DMD: variants seen among roughly 807,000 people sequenced by gnomAD.
The protein encoded by DMD is mutant dystrophin.
A neutral mutation model predicts 330.1 loss-of-function variants in DMD; 63 were observed. The ratio of observed to expected loss-of-function variants is 0.19; its 90% CI spans 0.16 to 0.24. DMD has a LOEUF of 0.24. Among genes scored for constraint, DMD ranks in the 10% least tolerant of loss-of-function variants. DMD has a pLI of 1.00. For synonymous variants in DMD, 1,223 were observed against 959.8 expected, an observed-to-expected ratio of 1.27 and a Z score of -5.07; for missense variants, 3,344 against 2,684.1, an observed-to-expected ratio of 1.25 and a Z score of -5.43.
chrX:31,485,051 A>G (rs764928193), intron 57 of DMD, among the ~76,000 whole-genome samples: 20 of 112,629 alleles, frequency 1.8e-4, no homozygotes, highest in Non-Finnish European at 3.2e-4. Flanking sequence ...GAGTGATAAC[A>G]AAACATAAAA....
chrX:33,223,179 C>A (rs2052218016), intron 1 of DMD, among the ~76,000 whole-genome samples: 1 of 111,348 alleles, frequency 9.0e-6, no homozygotes, highest in African/African-American at 3.3e-5. Context: ...GGAGTGGTGG[C>A]ACACGCCTGT....
chrX:32,177,612 TTCTCTCTCTCTCTCAA>T (rs968126516), intron 44 of DMD, among the ~76,000 whole-genome samples: 2 of 109,029 alleles, frequency 1.8e-5, no homozygotes, highest in South Asian at 3.9e-4. Context: ...TGGTTCCCCT[TTCTCTCTCTCTCTCAA>T]TCTCTCTCTC....
chrX:33,337,336 A>G (rs924080064), intron 1 of DMD, among the ~76,000 whole-genome samples: 2 of 111,467 alleles, frequency 1.8e-5, no homozygotes, highest in African/African-American at 6.5e-5. Flanking sequence ...AGAGGGCTGT[A>G]TTTTAAACAA....
At chrX:31,128,225 C>T (rs2033996038) in intron 77 of DMD, among the ~76,000 whole-genome samples, 1 of 111,847 alleles carries the variant, frequency 8.9e-6, no homozygotes, top group Non-Finnish European at 1.9e-5. Context: ...ATTCCCTTCC[C>T]CTGTAAGACT....
At chrX:32,643,118 C>G (rs1409091243) in intron 11 of DMD, among the ~76,000 whole-genome samples, 1 of 111,146 alleles carries the variant, frequency 9.0e-6, no homozygotes, top group Admixed American at 9.6e-5. Flanking sequence ...TGACAATCAT[C>G]ACCACGATCA....
In DMD at chrX:31,721,702, CTCTCTCTCTCTCTCTCTATATA is replaced by C. The variant is rs1477647711; in HGVS notation, c.7660+7907_7660+7928del. Among the ~76,000 whole-genome samples the C allele has an allele frequency of 2.8e-3, 161 of 57,768 alleles. 2 individuals carry two copies. Among genetic ancestry groups the C allele is most frequent in the Non-Finnish European group, 4.4e-3 (141 of 32,355 alleles). The allele number at this position is 57,768 out of a possible 115,157, so 50.2% of individuals were successfully genotyped here. A position where few individuals can be genotyped will look rare whatever the true frequency, so the allele number is the denominator to read the frequency against. On this transcript the variant is annotated intron_variant, in intron 52 of 78. Coordinates refer to ENST00000357033, the MANE Select transcript of DMD (RefSeq NM_004006.3). ...TCTCTCTCACTCTCTCTCTCTCTCT[CTCTCTCTCTCTCTCTCTATATA>C]TATATATATATATATATATATCTCC... is the stretch of plus-strand genomic sequence containing the variant.
intron 13 of DMD, among the ~76,000 whole-genome samples, chrX:32,579,747 CTT>C (rs923292566): frequency 1.3e-4 from 15 of 112,963 alleles, no homozygotes; most frequent in African/African-American, 3.9e-4. Flanking sequence ...AATACTTGCA[CTT>C]CCAGATTAAG....
intron 9 of DMD, among the ~76,000 whole-genome samples, chrX:32,695,297 CA>C (rs1296194785): frequency 9.0e-6 from 1 of 111,407 alleles, no homozygotes; most frequent in Non-Finnish European, 1.9e-5. Flanking sequence ...TTAAGTTGGC[CA>C]ATTTAAAACA....
chrX:32,389,797 A>T (rs1428280555), intron 31 of DMD, 123 bp from the exon 32 acceptor site: 2 of 725,286 alleles, frequency 2.8e-6, no homozygotes, highest in Non-Finnish European at 4.1e-6. Flanking sequence ...AACAAAATAA[A>T]GCAGTATTTT....
intron 55 of DMD, among the ~76,000 whole-genome samples, chrX:31,569,199 T>A (rs1309577051): frequency 9.0e-6 from 1 of 110,854 alleles, no homozygotes; most frequent in Admixed American, 9.6e-5. Context: ...ATGTCAAGAC[T>A]TCGTTATAAT....
At chrX:31,264,342 C>A (rs921665007) in intron 62 of DMD, among the ~76,000 whole-genome samples, 1 of 111,902 alleles carries the variant, frequency 8.9e-6, no homozygotes, top group Non-Finnish European at 1.9e-5. Context: ...ATCGGAAATA[C>A]ACTCCCCATA....
intron 1 of DMD, among the ~76,000 whole-genome samples, chrX:33,067,838 C>G (rs2094689352): frequency 9.0e-6 from 1 of 111,655 alleles, no homozygotes; most frequent in Non-Finnish European, 1.9e-5. Context: ...GAGCCAGACT[C>G]TGTCTCAAAA....
intron 4 of DMD, among the ~76,000 whole-genome samples, chrX:32,841,211 A>G (rs1437562090): frequency 4.5e-5 from 5 of 111,326 alleles, no homozygotes; most frequent in South Asian, 3.7e-4. Flanking sequence ...GTTCAATTTC[A>G]GTTTCTCATT....
chrX:33,080,867 A>C (rs1166986723), intron 1 of DMD, among the ~76,000 whole-genome samples: 1 of 111,353 alleles, frequency 9.0e-6, no homozygotes, highest in Non-Finnish European at 1.9e-5. Flanking sequence ...AAGATTACTA[A>C]AGTCATGTGA....
chrX:31,479,409 T>A (rs2068074611), intron 57 of DMD, among the ~76,000 whole-genome samples: 1 of 111,814 alleles, frequency 8.9e-6, no homozygotes, highest in Non-Finnish European at 1.9e-5. Context: ...AATCTACAGC[T>A]AAAGTTTCAA....
At chrX:31,734,664 G>T (rs1445109942) in intron 51 of DMD, among the ~76,000 whole-genome samples, 2 of 111,013 alleles carry the variant, frequency 1.8e-5, no homozygotes, top group Non-Finnish European at 3.8e-5. Flanking sequence ...TAGGTGCAGG[G>T]GCTGTAGCAG....
intron 44 of DMD, among the ~76,000 whole-genome samples, chrX:32,149,426 A>T (rs954405240): frequency 6.2e-5 from 7 of 112,282 alleles, no homozygotes; most frequent in African/African-American, 2.3e-4. Context: ...TTCGTTTTTA[A>T]GTCTACTCTA....
chrX:32,537,793 C>T (rs1293961543), intron 17 of DMD, among the ~76,000 whole-genome samples: 3 of 112,274 alleles, frequency 2.7e-5, no homozygotes, highest in Admixed American at 9.4e-5. Context: ...ACTCAAAAAA[C>T]GAACAAAATT....
intron 51 of DMD, among the ~76,000 whole-genome samples, chrX:31,759,298 AAG>A (rs1224903229): frequency 9.4e-6 from 1 of 105,905 alleles, no homozygotes; most frequent in Non-Finnish European, 2.0e-5. Context: ...AAAAAAAAAA[AAG>A]GATAAGAAAA....
Sources: gnomAD v4.1 joint callset for allele counts (sites outside exome capture counted in the v4.1 genomes callset) on GRCh38, gnomAD v4.1.1 for gene constraint, MANE v1.5 for transcripts, NCBI Gene and HGNC (gene_info 2026-07-23, HGNC 2026-07-21) for gene names.